The following PRRC2C variants were observed in gnomAD, a reference collection of about 807,000 sequenced individuals.
PRRC2C encodes protein PRRC2C.
PRRC2C carries 72 observed loss-of-function variants against 317.2 expected under a neutral mutation model. That is an observed-to-expected ratio of 0.23 (90% CI 0.19 to 0.28). PRRC2C has a LOEUF of 0.28. PRRC2C is among the 10% of genes least tolerant of loss of function. PRRC2C has a pLI of 1.00. For synonymous variants in PRRC2C, 1,296 were observed against 1,205.9 expected (o/e 1.07, Z -1.55); for missense variants, 3,074 against 3,459.7 (o/e 0.89, Z 2.80).
At chr1:171,575,662 T>G (rs1297639395) in intron 25 of PRRC2C, among the ~76,000 whole-genome samples, 1 of 152,224 alleles carries the variant, frequency 6.6e-6, no homozygotes, top group Non-Finnish European at 1.5e-5. Context: ...TAGATTTTCT[T>G]AAATTTTTAC....
rs1677856620 is a variant in PRRC2C, at chr1:171,541,065, G to A, written c.3599G>A (p.Arg1200Gln). The part of the protein sequence containing the change: ...RGRGEYYSRG[R>Q]SYRGSYGGRG... ...CGAGGTGAATATTACTCCAGAGGTC[G>A]AAGCTATAGAGGTTCTTATGGAGGG... is the stretch of plus-strand genomic sequence containing the variant. The change falls in exon 16 of 35, where the codon CGA becomes CAA. Residue 1200 changes from arginine to glutamine, a missense_variant. Arg to Gln is a conservative substitution (Grantham distance 43). Transcript: ENST00000647382. This position sits in a 1 kb window ranked among gnomAD's most constrained non-coding sequence, Gnocchi z 4.1. The A allele has an allele frequency of 3.1e-6, 5 of 1,613,196 alleles. No individual in the cohort carries two copies. Among genetic ancestry groups the A allele is most frequent in the East Asian group, 2.2e-5 (1 of 44,882 alleles).
intron 16 of PRRC2C, among the ~76,000 whole-genome samples, chr1:171,543,668 C>G (rs1678451709): frequency 6.6e-6 from 1 of 152,072 alleles, no homozygotes; most frequent in South Asian, 2.1e-4. Context: ...AATCTGAGTT[C>G]CTTAGTTTTA....
At chr1:171,509,887 T>A (rs2102228040) in intron 1 of PRRC2C, 1 of 141,634 alleles carries the variant, frequency 7.1e-6, no homozygotes. Flanking sequence ...AGTCTTGGTC[T>A]GTCACCCAGG....
intron 1 of PRRC2C, among the ~76,000 whole-genome samples, chr1:171,501,590 G>A (rs1669126273): frequency 6.6e-6 from 1 of 152,192 alleles, no homozygotes; most frequent in Non-Finnish European, 1.5e-5. Flanking sequence ...GTTTTTACAG[G>A]CTGATCCTCT....
chr1:171,559,505 GTTTGTTTTTTTTTTTTTTTTTTTTT>G (rs1261111168), intron 19 of PRRC2C, among the ~76,000 whole-genome samples: 6 of 95,124 alleles, frequency 6.3e-5, no homozygotes, highest in African/African-American at 2.4e-4. Context: ...GGCATACCAA[GTTTGTTTTTTTTTTTTTTTTTTTTT>G]TTTTTTTTTT....
chr1:171,577,386 CTT>C (rs1558038390), intron 25 of PRRC2C, 46 bp from the exon 26 acceptor site: 12 of 1,468,708 alleles, frequency 8.2e-6, no homozygotes, highest in Middle Eastern at 3.4e-4. Flanking sequence ...AATAGCAACA[CTT>C]TTAAATATGC....
rs140282090 is a variant in PRRC2C, at chr1:171,528,492, C to T, written c.1254+648C>T. On this transcript the variant is annotated intron_variant, in intron 11 of 34. Transcript: ENST00000647382. ...TTTTTTAGTAGAGACGGGGTTTCAC[C>T]GTGTTAGCCAGGACGGTCTCGATAT... Among the ~76,000 whole-genome samples, 208 of 151,186 alleles carry T rather than the reference C, an allele frequency of 1.4e-3. 1 individual carries two copies. The highest frequency in any genetic ancestry group is 4.8e-3 in the African/African-American group (197 of 40,728).
At chr1:171,493,971 T>C (rs1410863841) in intron 1 of PRRC2C, among the ~76,000 whole-genome samples, 1 of 152,228 alleles carries the variant, frequency 6.6e-6, no homozygotes, top group African/African-American at 2.4e-5. Context: ...GAGTAGATAT[T>C]ATAGCCCACC....
At chr1:171,534,368 A>C (rs1676426524) in intron 12 of PRRC2C, among the ~76,000 whole-genome samples, 1 of 152,170 alleles carries the variant, frequency 6.6e-6, no homozygotes, top group African/African-American at 2.4e-5. Context: ...ATAGTTTAAT[A>C]AGTTTTATTT....
rs767973539 is a variant in PRRC2C at position 171,524,930 on chromosome 1, A to G, written c.1165A>G (p.Lys389Glu). ...SQIPAQPSVA[K>E]VPYGKGPSFN... ...AATACCTGCCCAACCATCAGTAGCA[A>G]AAGTTCCCTATGGGAAAGGACCTTC... The change falls in exon 10 of 35, where the codon AAA becomes GAA. Residue 389 changes from lysine (K) to glutamate (E), a missense_variant. Lys to Glu is a moderately conservative substitution (Grantham distance 56, BLOSUM62 1). Transcript: ENST00000647382. 4.3e-6 allele frequency: 7 copies of G among 1,610,940 alleles called. No homozygotes were observed. The highest frequency in any genetic ancestry group is 5.1e-6 in the Non-Finnish European group (6 of 1,178,376).
chr1:171,551,363 C>A (rs1051094824), intron 18 of PRRC2C, among the ~76,000 whole-genome samples: 1 of 151,994 alleles, frequency 6.6e-6, no homozygotes, highest in Non-Finnish European at 1.5e-5. Context: ...GGATATTAGC[C>A]CTTTGTCAGA....
rs555060953 is a variant in PRRC2C, at chr1:171,567,644, AGAAT to A, written c.6559-597_6559-594del. 1.1e-3 allele frequency among the ~76,000 whole-genome samples: 160 copies of A among 152,360 alleles called. 1 individual carries two copies. Among genetic ancestry groups the A allele is most frequent in the African/African-American group, 3.2e-3 (134 of 41,580 alleles). On this transcript the variant is annotated intron_variant, in intron 22 of 34. Transcript: ENST00000647382. ...GATCTTGGTAATTGATAGTAAGCTA[AGAAT>A]GAATGTGGGAAACACACAAAAGATT...
chr1:171,556,431 C>T (rs1681423460), intron 18 of PRRC2C, among the ~76,000 whole-genome samples: 1 of 152,346 alleles, frequency 6.6e-6, no homozygotes, highest in South Asian at 2.1e-4. Context: ...GGGCTGCACC[C>T]ACTGTCCAAC....
Position 171,592,055 on chromosome 1 carries a change from T to G in PRRC2C, c.*208T>G. 1 of 535,212 alleles carries G rather than the reference T, an allele frequency of 1.9e-6. No individual in the cohort carries two copies. Among genetic ancestry groups the G allele is most frequent in the South Asian group, 4.2e-5 (1 of 23,668 alleles). The allele number at this position is 535,212 out of a possible 1,614,324, so 33.2% of individuals were successfully genotyped here. On this transcript the variant is annotated 3_prime_UTR_variant, in exon 35 of 35. Transcript: ENST00000647382. Reference sequence around the variant, plus strand: ...AGGCTTTGCAAGCTTGTACCTACTATATAACATGTGCTTGGTTGATGGCCA... The same window carrying G: ...AGGCTTTGCAAGCTTGTACCTACTAGATAACATGTGCTTGGTTGATGGCCA...
At chr1:171,513,330 T>A in intron 3 of PRRC2C, 158 bp downstream of exon 3, 4 of 862,718 alleles carry the variant, frequency 4.6e-6, no homozygotes, top group Non-Finnish European at 7.3e-6. Context: ...TTTTGGTTAA[T>A]TTTCCCTATT....
chr1:171,571,554 G>A, intron 24 of PRRC2C, 133 bp downstream of exon 24: 2 of 665,484 alleles, frequency 3.0e-6, no homozygotes, highest in Admixed American at 2.5e-5. Context: ...ATAGAGTGCT[G>A]TCAAATTATA....
chr1:171,528,320 G>A (rs1297537067), intron 11 of PRRC2C, among the ~76,000 whole-genome samples: 1 of 141,442 alleles, frequency 7.1e-6, no homozygotes, highest in African/African-American at 2.6e-5. Flanking sequence ...ACAGAGTCTA[G>A]CTCTGTCGCC....
chr1:171,504,536 T>C (rs1216114257), intron 1 of PRRC2C, among the ~76,000 whole-genome samples: 1 of 152,252 alleles, frequency 6.6e-6, no homozygotes, highest in Non-Finnish European at 1.5e-5. Context: ...AAGACTGTCC[T>C]TTATCCACTG....
intron 34 of PRRC2C, among the ~76,000 whole-genome samples, chr1:171,589,842 GA>G (rs1650984727): frequency 2.0e-5 from 3 of 149,988 alleles, no homozygotes; most frequent in African/African-American, 7.4e-5. Context: ...CTGTAGTCAG[GA>G]AATGAATTAA....
Sources: gnomAD v4.1 joint callset for allele counts (sites outside exome capture counted in the v4.1 genomes callset) on GRCh38, gnomAD v4.1.1 for gene constraint, Gnocchi (gnomAD v3.1) non-coding constraint, MANE v1.5 for transcripts, NCBI Gene and HGNC (gene_info 2026-07-23, HGNC 2026-07-21) for gene names.